WDR76: variants seen among roughly 807,000 people sequenced by gnomAD.
The protein encoded by WDR76 is WD repeat-containing protein 76.
A neutral mutation model predicts 70.2 loss-of-function variants in WDR76; 52 were observed. The observed-to-expected ratio is 0.74, with a 90% CI of 0.59 to 0.93. The LOEUF is 0.93. Among genes scored for constraint, WDR76 ranks in the 40% least tolerant of loss-of-function variants. The pLI is 0.00. For synonymous variants in WDR76, 292 were observed against 271.1 expected (o/e 1.08, Z -0.76); for missense variants, 756 against 760.2 (o/e 0.99, Z 0.07).
At chr15:43,832,139 ATTG>A (rs748684355) in intron 2 of WDR76, among the ~76,000 whole-genome samples, 25 of 152,308 alleles carry the variant, frequency 1.6e-4, no homozygotes, top group Admixed American at 3.3e-4. Flanking sequence ...TTTTTAATGC[ATTG>A]TTCCATTGTC....
At chr15:43,856,135 T>G (rs1364851352) in intron 9 of WDR76, among the ~76,000 whole-genome samples, 1 of 152,210 alleles carries the variant, frequency 6.6e-6, no homozygotes, top group Admixed American at 6.6e-5. Flanking sequence ...TTTTTAGCAT[T>G]GCATGGTATT....
At chr15:43,843,000 CTTT>C (rs1436566009) in intron 7 of WDR76, among the ~76,000 whole-genome samples, 1 of 143,198 alleles carries the variant, frequency 7.0e-6, no homozygotes, top group African/African-American at 2.5e-5. Flanking sequence ...TTGCATTACA[CTTT>C]TTTCTTTTTC....
rs901151158 is a variant in WDR76, at chr15:43,833,636, G to T, written c.463-1425G>T. Among the ~76,000 whole-genome samples, 268 of 117,148 alleles carry T rather than the reference G, an allele frequency of 2.3e-3. 1 individual carries two copies. The highest frequency in any genetic ancestry group is 7.2e-3 in the Middle Eastern group (1 of 138). The allele number at this position is 117,148 out of a possible 152,430, so 76.9% of individuals were successfully genotyped here. On this transcript the variant is annotated intron_variant, in intron 2 of 12. Coordinates refer to ENST00000263795, the MANE Select transcript of WDR76 (RefSeq NM_024908.4). The stretch of plus-strand genomic sequence containing the variant: ...TCCCAGCCCTTTCTTTTTTTTTTTT[G>T]TTTGTTTGTTTTTTGAGACGGAGTC...
chr15:43,854,579 T>A (rs1166168820), intron 9 of WDR76, among the ~76,000 whole-genome samples: 1 of 152,092 alleles, frequency 6.6e-6, no homozygotes, highest in Non-Finnish European at 1.5e-5. Context: ...AAAAGTTACA[T>A]ATGGTACAAT....
chr15:43,861,587 C>G (rs1193574597), intron 12 of WDR76, among the ~76,000 whole-genome samples: 1 of 152,184 alleles, frequency 6.6e-6, no homozygotes, highest in Non-Finnish European at 1.5e-5. Context: ...GGTTCAGTCT[C>G]TTGTAGTCAG....
intron 2 of WDR76, among the ~76,000 whole-genome samples, chr15:43,833,426 C>G (rs2087615973): frequency 6.7e-6 from 1 of 150,042 alleles, no homozygotes; most frequent in South Asian, 2.1e-4. Context: ...TCATGCCATT[C>G]TCCTGCCTCA....
rs374224480 is a variant in WDR76, at chr15:43,827,129, G to A, written c.60+37G>A. ...ACTGGTGCTTCCAAGGTGTGCTCCT[G>A]CCTCGGTTTTTGTGAGGGTTATGCG... On this transcript the variant is annotated intron_variant, in intron 1 of 12. Transcript: ENST00000263795. 181 of 1,613,998 alleles carry A rather than the reference G, an allele frequency of 1.1e-4. 1 individual carries two copies. The African/African-American group carries it at 1.9e-3, about 17-fold the overall frequency.
At chr15:43,850,422 A>G (rs1269791001) in intron 8 of WDR76, among the ~76,000 whole-genome samples, 2 of 151,914 alleles carry the variant, frequency 1.3e-5, no homozygotes, top group Non-Finnish European at 2.9e-5. Flanking sequence ...CAGCCTCCCG[A>G]GTAGATGGGA....
chr15:43,841,028 T>C (rs1175882051), intron 5 of WDR76, among the ~76,000 whole-genome samples: 1 of 151,536 alleles, frequency 6.6e-6, no homozygotes, highest in East Asian at 1.9e-4. Flanking sequence ...TTCTTTTTTT[T>C]TTTTCTTTCT....
chr15:43,840,074 G>C (rs750429301), intron 5 of WDR76, among the ~76,000 whole-genome samples: 4 of 152,014 alleles, frequency 2.6e-5, no homozygotes, highest in Non-Finnish European at 5.9e-5. Context: ...GGCCAGGCTG[G>C]TCTTGAACTC....
At chr15:43,832,333 A>G (rs910032016) in intron 2 of WDR76, among the ~76,000 whole-genome samples, 2 of 152,034 alleles carry the variant, frequency 1.3e-5, no homozygotes, top group African/African-American at 4.8e-5. Context: ...GCAGTAAGTT[A>G]TAATCAAGCC....
intron 8 of WDR76, among the ~76,000 whole-genome samples, chr15:43,848,826 C>T (rs952517184): frequency 6.6e-6 from 1 of 151,876 alleles, no homozygotes; most frequent in Non-Finnish European, 1.5e-5. Flanking sequence ...TAATCCCAGC[C>T]ACTTGGGAAA....
At chr15:43,852,917 T>G (rs1374583154) in intron 9 of WDR76, among the ~76,000 whole-genome samples, 1 of 152,176 alleles carries the variant, frequency 6.6e-6, no homozygotes, top group Non-Finnish European at 1.5e-5. Flanking sequence ...AAACAGAGTC[T>G]CGCTCTTGTT....
intron 8 of WDR76, among the ~76,000 whole-genome samples, chr15:43,848,155 CT>C (rs2087811711): frequency 6.6e-6 from 1 of 152,082 alleles, no homozygotes; most frequent in South Asian, 2.1e-4. Flanking sequence ...GGAATATCAC[CT>C]GAGCTCAAGG....
At chr15:43,838,436 T>G (rs1221297805) in intron 4 of WDR76, among the ~76,000 whole-genome samples, 1 of 152,184 alleles carries the variant, frequency 6.6e-6, no homozygotes, top group Non-Finnish European at 1.5e-5. Context: ...TCCACCCACC[T>G]CAGCCTCCCA....
Position 43,839,590 on chromosome 15 carries a change from T to G in WDR76, c.609-15T>G, listed in dbSNP as rs566193733. 12 of 1,596,182 alleles carry G rather than the reference T, an allele frequency of 7.5e-6. No individual in the cohort carries two copies. The African/African-American group carries it at 1.5e-4, about 20-fold the overall frequency. Reference sequence around the variant, plus strand: ...GTTTTGTGAGTATAACATGAGTTTTTCCCCACTCCTTTAGAAAGAAGCCTA... The same window carrying G: ...GTTTTGTGAGTATAACATGAGTTTTGCCCCACTCCTTTAGAAAGAAGCCTA... On this transcript the variant is annotated splice_polypyrimidine_tract_variant and intron_variant, in intron 4 of 12. Coordinates refer to ENST00000263795, the MANE Select transcript of WDR76 (RefSeq NM_024908.4).
At chr15:43,833,698 A>G (rs1240895388) in intron 2 of WDR76, among the ~76,000 whole-genome samples, 1 of 149,024 alleles carries the variant, frequency 6.7e-6, no homozygotes, top group African/African-American at 2.5e-5. Context: ...GTGCAGTGGC[A>G]TGATCTGGGT....
At position 43,857,177 on chromosome 15, in the gene WDR76, A is replaced by G; in HGVS notation, c.1409+14A>G. On this transcript the variant is annotated intron_variant, in intron 10 of 12. Transcript: ENST00000263795. ...TGCCGGATTGAGGTATGGTCTTTAT[A>G]AGACTTTATGACTTAGACCTTTTAA... 6.2e-7 allele frequency: 1 copy of G among 1,601,472 alleles called. No homozygotes were observed.
Position 43,858,680 on chromosome 15 carries a change from T to A in WDR76, c.1419T>A (p.His473Gln). 2 of 1,614,010 alleles carry A rather than the reference T, an allele frequency of 1.2e-6. No homozygotes were observed. The highest frequency in any genetic ancestry group is 1.7e-6 in the Non-Finnish European group (2 of 1,179,952). Residue 473 changes from histidine (H) to glutamine (Q), a missense_variant, in exon 11 of 13, where the codon CAT becomes CAA. Coordinates refer to ENST00000263795, the MANE Select transcript of WDR76 (RefSeq NM_024908.4). ...YFITAGLRDT[H>Q]IYDARRLNSR... Reference sequence around the variant, plus strand: ...GTTTCTCCCATTACAGGGATACTCATATTTATGATGCAAGGCGATTGAATT... The same window carrying A: ...GTTTCTCCCATTACAGGGATACTCAAATTTATGATGCAAGGCGATTGAATT...
Sources: allele counts gnomAD v4.1 joint callset (sites outside exome capture counted in the v4.1 genomes callset), GRCh38; gene constraint gnomAD v4.1.1; transcripts MANE v1.5; gene names NCBI Gene and HGNC (gene_info 2026-07-23, HGNC 2026-07-21).